Variants in PEX5L observed in about 807,000 individuals in gnomAD.
The protein encoded by PEX5L is peroxisomal biogenesis factor 5 like.
A neutral mutation model predicts 84.0 loss-of-function variants in PEX5L; 30 were observed. That is an observed-to-expected ratio of 0.36 (90% CI 0.27 to 0.48). The LOEUF (loss-of-function observed/expected upper bound fraction) is 0.48. Ranked by LOEUF, PEX5L falls within the 20% of genes least tolerant of loss-of-function variation. The pLI is 0.99. For missense variants in PEX5L, 533 were observed against 754.6 expected (o/e 0.71, Z 3.44); for synonymous variants, 270 against 283.1 (o/e 0.95, Z 0.46).
chr3:180,000,030 G>C lies in PEX5L; in HGVS notation c.22-28365C>G, dbSNP rs144192097. ...CCACAGCCAGGAGTCACGGGTCCAG[G>C]AATCAAGGGATAGAAGTGGAAGTGG... On this transcript the variant is annotated intron_variant, in intron 1 of 14. Coordinates refer to ENST00000467460, the MANE Select transcript of PEX5L (RefSeq NM_016559.3). 1.1e-4 allele frequency among the ~76,000 whole-genome samples: 17 copies of C among 152,220 alleles called. No homozygotes were observed. In the East Asian group the frequency reaches 3.3e-3, roughly 29 times the overall value.
At chr3:179,885,506 C>A (rs1324216708) in intron 4 of PEX5L, among the ~76,000 whole-genome samples, 1 of 152,026 alleles carries the variant, frequency 6.6e-6, no homozygotes, top group African/African-American at 2.4e-5. Context: ...ATCAGCCAGT[C>A]GTGGTGGCAG....
chr3:179,997,180 G>T (rs971416514), intron 1 of PEX5L, among the ~76,000 whole-genome samples: 6 of 152,128 alleles, frequency 3.9e-5, no homozygotes, highest in African/African-American at 1.4e-4. Flanking sequence ...CCTTTTATCA[G>T]GGTAACTGTG....
chr3:180,036,170 C>A (rs912228250), intron 1 of PEX5L, among the ~76,000 whole-genome samples: 1 of 152,172 alleles, frequency 6.6e-6, no homozygotes, highest in African/African-American at 2.4e-5. Flanking sequence ...TGTTCTAAGT[C>A]AAGCAACCTT....
intron 8 of PEX5L, chr3:179,820,524 T>TAA (rs1274327140): frequency 6.6e-6 from 1 of 152,526 alleles, no homozygotes; most frequent in African/African-American, 2.4e-5. Context: ...CCCACACTTG[T>TAA]AAGCTTATGG....
In PEX5L at chr3:179,800,693, C is replaced by T. The variant is rs1185217764; in HGVS notation, c.*1135G>A. 6.6e-6 allele frequency: 1 copy of T among 152,110 alleles called. No homozygotes were observed. Among genetic ancestry groups the T allele is most frequent in the Non-Finnish European group, 1.5e-5 (1 of 68,026 alleles). 9.4% of individuals were successfully genotyped at this position (152,110 alleles called of 1,614,324 possible). ...GTTTGAAAGTGTTGCTCTTCTATCA[C>T]TTAGAATGCAAGGGGATGAACAGTG... On this transcript the variant is annotated 3_prime_UTR_variant, in exon 15 of 15. Coordinates refer to ENST00000467460, the MANE Select transcript of PEX5L (RefSeq NM_016559.3).
In PEX5L at chr3:179,797,592, A is replaced by G. The variant is rs1469717977; in HGVS notation, c.*4236T>C. ...GAGTTTATCTATGAACACTCTTTAA[A>G]AAAAAAAAAAAAAATATATATATAT... On this transcript the variant is annotated 3_prime_UTR_variant, in exon 15 of 15. Coordinates refer to ENST00000467460, the MANE Select transcript of PEX5L (RefSeq NM_016559.3). 3.1e-5 allele frequency: 1 copy of G among 31,878 alleles called. No homozygotes were observed. Among genetic ancestry groups the G allele is most frequent in the Non-Finnish European group, 6.3e-5 (1 of 15,762 alleles). 2.0% of individuals were successfully genotyped at this position (31,878 alleles called of 1,614,324 possible). A position where few individuals can be genotyped will look rare whatever the true frequency, so the allele number is the denominator to read the frequency against.
At chr3:179,890,240 G>A (rs772275827) in intron 3 of PEX5L, among the ~76,000 whole-genome samples, 11 of 152,326 alleles carry the variant, frequency 7.2e-5, no homozygotes, top group South Asian at 4.1e-4. Context: ...TGTGAAGTGC[G>A]ATCTGAATTC....
chr3:179,888,097 TA>T, intron 3 of PEX5L: 1 of 1,246,868 alleles, frequency 8.0e-7, no homozygotes, highest in Non-Finnish European at 1.1e-6. Context: ...TCATAGTTGC[TA>T]AGGGCCAATC....
chr3:179,956,315 C>T (rs1488109939), intron 2 of PEX5L, among the ~76,000 whole-genome samples: 3 of 152,030 alleles, frequency 2.0e-5, no homozygotes, highest in Admixed American at 1.3e-4. Flanking sequence ...CATTTTGGAG[C>T]CCTAGGAAAA....
chr3:179,828,258 C>T (rs1731286250), intron 8 of PEX5L, among the ~76,000 whole-genome samples: 1 of 152,120 alleles, frequency 6.6e-6, no homozygotes, highest in Non-Finnish European at 1.5e-5. Context: ...TGCAATAGTT[C>T]CTGAATAAAA....
chr3:179,990,244 G>A (rs1030568694), intron 1 of PEX5L, among the ~76,000 whole-genome samples: 3 of 152,122 alleles, frequency 2.0e-5, no homozygotes, highest in African/African-American at 7.2e-5. Flanking sequence ...TGTTTCTTTG[G>A]TCGCATTTAG....
intron 1 of PEX5L, among the ~76,000 whole-genome samples, chr3:180,022,247 A>G (rs1579380523): frequency 6.6e-6 from 1 of 152,220 alleles, no homozygotes; most frequent in African/African-American, 2.4e-5. Flanking sequence ...ATTAATTTTA[A>G]GACATTAGGG....
At chr3:179,805,224 C>A (rs1429751738) in intron 14 of PEX5L, among the ~76,000 whole-genome samples, 5 of 138,044 alleles carry the variant, frequency 3.6e-5, no homozygotes, top group African/African-American at 1.4e-4. Flanking sequence ...CCTGGCATGA[C>A]AATAAAAGAC....
intron 7 of PEX5L, among the ~76,000 whole-genome samples, chr3:179,871,779 G>A (rs1048162763): frequency 1.3e-5 from 2 of 152,186 alleles, no homozygotes; most frequent in African/African-American, 2.4e-5. Context: ...CTTCCTCCCC[G>A]TAGCTTCACT....
At chr3:179,840,148 G>A (rs1004809276) in intron 8 of PEX5L, among the ~76,000 whole-genome samples, 8 of 140,906 alleles carry the variant, frequency 5.7e-5, no homozygotes, top group South Asian at 4.5e-4. Context: ...GAAAACTATC[G>A]TCAAGTTGTT....
chr3:179,886,695 C>T (rs1449000904), intron 4 of PEX5L, among the ~76,000 whole-genome samples: 1 of 152,156 alleles, frequency 6.6e-6, no homozygotes, highest in African/African-American at 2.4e-5. Flanking sequence ...ACAAGCCTGT[C>T]TATCTCATGC....
chr3:179,880,014 C>T lies in PEX5L; in HGVS notation c.420G>A (p.Lys140=). Residue 140 remains lysine, a synonymous_variant, in exon 5 of 15, where the codon AAG becomes AAA. Coordinates refer to ENST00000467460, the MANE Select transcript of PEX5L (RefSeq NM_016559.3). ...PSSKTSSLKK[K]ADGSDLISTD... is the part of the protein sequence containing the mutation. ...TGCTGATGAGGTCAGATCCATCGGC[C>T]TTTTTCTTGAGGGATGAGGTTTTTG... The T allele has an allele frequency of 6.2e-7, 1 of 1,613,998 alleles. No homozygotes were observed. The highest frequency in any genetic ancestry group is 8.5e-7 in the Non-Finnish European group (1 of 1,179,930).
At chr3:179,956,605 T>C (rs1451665269) in intron 2 of PEX5L, among the ~76,000 whole-genome samples, 1 of 150,460 alleles carries the variant, frequency 6.6e-6, no homozygotes, top group Admixed American at 6.6e-5. Context: ...GTAAAAATAT[T>C]TAGTTAGTTT....
At chr3:180,032,988 G>A (rs749510731) in intron 1 of PEX5L, among the ~76,000 whole-genome samples, 7 of 152,192 alleles carry the variant, frequency 4.6e-5, no homozygotes, top group Non-Finnish European at 1.0e-4. Flanking sequence ...TTAGGGTATT[G>A]AAAACAACGT....
Sources: allele counts gnomAD v4.1 joint callset (sites outside exome capture counted in the v4.1 genomes callset), GRCh38; gene constraint gnomAD v4.1.1; transcripts MANE v1.5; gene names NCBI Gene and HGNC (gene_info 2026-07-23, HGNC 2026-07-21).